The following KLF8 variants were observed in gnomAD, a reference collection of about 807,000 sequenced individuals.
KLF8 encodes Krueppel-like factor 8.
A neutral mutation model predicts 18.2 loss-of-function variants in KLF8; 10 were observed. That is an observed-to-expected ratio of 0.55 (90% CI 0.34 to 0.93). The LOEUF (loss-of-function observed/expected upper bound fraction) is 0.93. Ranked by LOEUF, KLF8 falls within the 40% of genes least tolerant of loss-of-function variation. KLF8 has a pLI of 0.02. For synonymous variants in KLF8, 109 were observed against 97.3 expected, an observed-to-expected ratio of 1.12 and a Z score of -0.71; for missense variants, 264 against 277.9, an observed-to-expected ratio of 0.95 and a Z score of 0.36.
the KLF8 span, among the ~76,000 whole-genome samples, chrX:56,059,847 C>T: frequency 7.2e-5 from 8 of 111,662 alleles, no homozygotes; most frequent in African/African-American, 1.6e-4. Flanking sequence ...CTCTTTTTCG[C>T]TTCCATATGT....
the KLF8 span, among the ~76,000 whole-genome samples, chrX:56,177,686 C>T: frequency 9.0e-6 from 1 of 111,660 alleles, no homozygotes; most frequent in Non-Finnish European, 1.9e-5. Flanking sequence ...TTTGGCTATT[C>T]CCTGCCCCCA....
chrX:56,042,120 T>G, the KLF8 span, among the ~76,000 whole-genome samples: 7 of 112,312 alleles, frequency 6.2e-5, no homozygotes, highest in Non-Finnish European at 1.3e-4. Context: ...ATTTCTGGCT[T>G]AATTTTCTTA....
the KLF8 span, among the ~76,000 whole-genome samples, chrX:56,061,778 A>G: frequency 9.1e-6 from 1 of 110,343 alleles, no homozygotes; most frequent in African/African-American, 3.3e-5. Flanking sequence ...GTCACCTACT[A>G]TTATTGTGTG....
the KLF8 span, among the ~76,000 whole-genome samples, chrX:56,186,562 G>T: frequency 9.0e-6 from 1 of 111,366 alleles, no homozygotes. Flanking sequence ...CCCCAAATCA[G>T]CAGATTATAC....
At chrX:56,081,403 T>C in the KLF8 span, among the ~76,000 whole-genome samples, 560 of 112,146 alleles carry the variant, frequency 5.0e-3, 3 homozygotes, top group Middle Eastern at 0.014. Flanking sequence ...TTGCGATGTT[T>C]ATATAAAGGA....
the KLF8 span, among the ~76,000 whole-genome samples, chrX:56,137,246 C>T: frequency 9.2e-6 from 1 of 109,143 alleles, no homozygotes; most frequent in Non-Finnish European, 1.9e-5. Context: ...CCAGCCATCC[C>T]ATTACTGGGT....
chrX:56,157,991 T>G, the KLF8 span, among the ~76,000 whole-genome samples: 1 of 112,209 alleles, frequency 8.9e-6, no homozygotes, highest in Non-Finnish European at 1.9e-5. Context: ...TGGTATTGCC[T>G]AGGTTTCCTT....
chrX:56,212,894 G>A, the KLF8 span, among the ~76,000 whole-genome samples: 4 of 111,870 alleles, frequency 3.6e-5, no homozygotes, highest in Non-Finnish European at 7.5e-5. Flanking sequence ...CTCTCAGCAT[G>A]AGTAGGTCTT....
chrX:56,212,459 C>G, the KLF8 span, among the ~76,000 whole-genome samples: 3 of 112,072 alleles, frequency 2.7e-5, no homozygotes, highest in Non-Finnish European at 5.6e-5. Flanking sequence ...GCACTTTGGC[C>G]CTCAGTGATG....
At chrX:55,947,257 A>T in the KLF8 span, among the ~76,000 whole-genome samples, 2 of 110,832 alleles carry the variant, frequency 1.8e-5, no homozygotes, top group African/African-American at 6.6e-5. Context: ...ACAATGATAG[A>T]CTGGATTAAG....
chrX:56,082,110 T>C, the KLF8 span, among the ~76,000 whole-genome samples: 1 of 111,715 alleles, frequency 9.0e-6, no homozygotes, highest in Non-Finnish European at 1.9e-5. Context: ...AAGTTTTAAA[T>C]TACTAATTCA....
chrX:56,174,536 A>G, the KLF8 span, among the ~76,000 whole-genome samples: 1 of 111,937 alleles, frequency 8.9e-6, no homozygotes, highest in African/African-American at 3.2e-5. Flanking sequence ...ATGTTCATCA[A>G]GGATATTCGT....
At chrX:56,278,477 C>T (rs759452524) in intron 5 of KLF8, among the ~76,000 whole-genome samples, 3 of 111,149 alleles carry the variant, frequency 2.7e-5, no homozygotes, top group Non-Finnish European at 5.7e-5. Context: ...AGAAGCCTCA[C>T]GACTCTGAAT....
At chrX:56,024,119 A>G in the KLF8 span, among the ~76,000 whole-genome samples, 1 of 111,983 alleles carries the variant, frequency 8.9e-6, no homozygotes, top group Admixed American at 9.5e-5. Flanking sequence ...CCACACATTT[A>G]ATTTTTTAAA....
chrX:55,977,935 T>A, the KLF8 span, among the ~76,000 whole-genome samples: 1 of 110,195 alleles, frequency 9.1e-6, no homozygotes, highest in Non-Finnish European at 1.9e-5. Flanking sequence ...ATTGGCTGGG[T>A]TTTTTTGGTC....
chrX:56,184,535 C>A, the KLF8 span, among the ~76,000 whole-genome samples: 1 of 112,232 alleles, frequency 8.9e-6, no homozygotes, highest in Admixed American at 9.4e-5. Context: ...TCTCCCAACA[C>A]GCAGCTGGAG....
chrX:56,179,159 T>A, the KLF8 span, among the ~76,000 whole-genome samples: 1 of 112,260 alleles, frequency 8.9e-6, no homozygotes, highest in East Asian at 2.8e-4. Flanking sequence ...TGCCCTCTTT[T>A]ATTTCATTGA....
chrX:56,090,002 C>T, the KLF8 span, among the ~76,000 whole-genome samples: 1 of 111,954 alleles, frequency 8.9e-6, no homozygotes, highest in Admixed American at 9.5e-5. Flanking sequence ...ACTAGTTTTA[C>T]CAGAGCTTAA....
the KLF8 span, among the ~76,000 whole-genome samples, chrX:56,165,983 G>A: frequency 9.0e-6 from 1 of 111,194 alleles, no homozygotes; most frequent in Non-Finnish European, 1.9e-5. Flanking sequence ...ACTTTTGCTT[G>A]AAAACTCAAA....
Sources: allele counts gnomAD v4.1 joint callset (sites outside exome capture counted in the v4.1 genomes callset), GRCh38; gene constraint gnomAD v4.1.1; transcripts MANE v1.5; gene names NCBI Gene and HGNC (gene_info 2026-07-23, HGNC 2026-07-21).